NLGN1: variants seen among roughly 807,000 people sequenced by gnomAD.
NLGN1 encodes neuroligin 1.
In NLGN1, 12 loss-of-function variants were observed where a neutral mutation model predicts 65.5. The ratio of observed to expected loss-of-function variants is 0.18; its 90% CI spans 0.12 to 0.30. NLGN1 has a LOEUF of 0.30. NLGN1 is among the 10% of genes least tolerant of loss of function. The pLI, the probability that NLGN1 is intolerant of heterozygous loss-of-function variation, is 1.00. For missense variants in NLGN1, 750 were observed against 1,007.1 expected (o/e 0.74, Z 3.46); for synonymous variants, 350 against 359.5 (o/e 0.97, Z 0.30).
At chr3:174,002,717 G>A (rs756417281) in intron 4 of NLGN1, among the ~76,000 whole-genome samples, 1 of 151,984 alleles carries the variant, frequency 6.6e-6, no homozygotes, top group African/African-American at 2.4e-5. Context: ...TTTTTGCCTG[G>A]CAAAGAAGTC....
downstream of NLGN1, among the ~76,000 whole-genome samples, chr3:174,290,551 A>G (rs1021078185): frequency 6.6e-5 from 10 of 151,192 alleles, no homozygotes; most frequent in East Asian, 9.7e-4. Flanking sequence ...AGCATAAACA[A>G]TAAAGAAAAC....
intron 4 of NLGN1, among the ~76,000 whole-genome samples, chr3:174,141,871 T>G (rs1267379871): frequency 6.6e-6 from 1 of 152,200 alleles, no homozygotes; most frequent in Admixed American, 6.5e-5. Flanking sequence ...GTTTTTAAAT[T>G]AAATGTTAAA....
chr3:173,902,513 C>G (rs1416038035), intron 4 of NLGN1, among the ~76,000 whole-genome samples: 2 of 152,074 alleles, frequency 1.3e-5, no homozygotes, highest in African/African-American at 2.4e-5. Context: ...GAGTTTCTCT[C>G]CACAATATGG....
chr3:173,515,799 C>G (rs1464902934), intron 2 of NLGN1, among the ~76,000 whole-genome samples: 1 of 151,952 alleles, frequency 6.6e-6, no homozygotes, highest in Admixed American at 6.6e-5. Context: ...TTTTTATACT[C>G]GTAGCCCTCA....
chr3:174,176,562 C>T (rs1225921594), intron 4 of NLGN1, among the ~76,000 whole-genome samples: 1 of 151,692 alleles, frequency 6.6e-6, no homozygotes, highest in African/African-American at 2.4e-5. Context: ...TAGCTTAGCG[C>T]TTCAGTTCAG....
intron 3 of NLGN1, among the ~76,000 whole-genome samples, chr3:173,803,549 A>G (rs1715944078): frequency 6.6e-6 from 1 of 152,156 alleles, no homozygotes; most frequent in Non-Finnish European, 1.5e-5. Flanking sequence ...TGGAGATTGC[A>G]ATGAGCCCAG....
intron 4 of NLGN1, among the ~76,000 whole-genome samples, chr3:173,842,921 T>C (rs1725052845): frequency 6.6e-6 from 1 of 152,154 alleles, no homozygotes; most frequent in African/African-American, 2.4e-5. Context: ...ACATTTCCCT[T>C]CCACACTGCC....
intron 1 of NLGN1, among the ~76,000 whole-genome samples, chr3:173,434,144 A>C (rs988950421): frequency 1.3e-5 from 2 of 152,176 alleles, no homozygotes; most frequent in African/African-American, 4.8e-5. Flanking sequence ...GGGAATTAGA[A>C]AATTACAACT....
Position 173,847,292 on chromosome 3 carries a change from T to TA in NLGN1, c.646+39461dup, listed in dbSNP as rs375547296. 2.6e-3 allele frequency among the ~76,000 whole-genome samples: 399 copies of TA among 152,344 alleles called. 3 individuals carry two copies. Among genetic ancestry groups the TA allele is most frequent in the African/African-American group, 9.2e-3 (381 of 41,584 alleles). Reference sequence around the variant, plus strand: ...CAACTGATGAATAGCTTTGTTTTGCTATTTTTTTGGTCAGAAAGATTGTTT... The same window carrying TA: ...CAACTGATGAATAGCTTTGTTTTGCTAATTTTTTTGGTCAGAAAGATTGTTT... On this transcript the variant is annotated intron_variant, in intron 4 of 6. Coordinates refer to ENST00000457714, the Ensembl canonical transcript of NLGN1.
chr3:173,667,867 A>G (rs1420574094), intron 3 of NLGN1, among the ~76,000 whole-genome samples: 2 of 152,092 alleles, frequency 1.3e-5, no homozygotes, highest in African/African-American at 2.4e-5. Flanking sequence ...TCCTGACCTC[A>G]TGATCCGCTT....
intron 4 of NLGN1, among the ~76,000 whole-genome samples, chr3:174,015,643 T>C (rs1037872672): frequency 9.2e-5 from 14 of 152,194 alleles, no homozygotes; most frequent in Non-Finnish European, 1.5e-4. Flanking sequence ...CAGCATACTA[T>C]AGATTTTAAA....
intron 3 of NLGN1, among the ~76,000 whole-genome samples, chr3:173,787,107 A>C (rs531013903): frequency 6.6e-6 from 1 of 151,778 alleles, no homozygotes; most frequent in African/African-American, 2.4e-5. Flanking sequence ...AAGATATTGG[A>C]GTGATTATTC....
intron 2 of NLGN1, among the ~76,000 whole-genome samples, chr3:173,548,181 G>A (rs962121705): frequency 5.3e-5 from 8 of 152,076 alleles, no homozygotes; most frequent in Non-Finnish European, 8.8e-5. Flanking sequence ...CAGCCACCTT[G>A]TTAATCACTG....
chr3:173,597,459 G>A (rs945451316), intron 2 of NLGN1, among the ~76,000 whole-genome samples: 1 of 152,152 alleles, frequency 6.6e-6, no homozygotes, highest in Non-Finnish European at 1.5e-5. Context: ...TCACATAATT[G>A]TGGATGAATC....
intron 4 of NLGN1, among the ~76,000 whole-genome samples, chr3:174,234,248 T>C (rs9835562): frequency 0.43 from 64,971 of 151,646 alleles, 14,059 homozygotes; most frequent in East Asian, 0.57. Context: ...GTACACTTGG[T>C]CAAGCAGGTG....
At chr3:174,003,265 C>T (rs1443879590) in intron 4 of NLGN1, among the ~76,000 whole-genome samples, 1 of 152,036 alleles carries the variant, frequency 6.6e-6, no homozygotes, top group Non-Finnish European at 1.5e-5. Flanking sequence ...ATGAAAATAA[C>T]TTATTTCACT....
chr3:173,858,397 G>A (rs887863112), intron 4 of NLGN1, among the ~76,000 whole-genome samples: 3 of 151,942 alleles, frequency 2.0e-5, no homozygotes, highest in Admixed American at 6.6e-5. Flanking sequence ...ATTTCAGACA[G>A]TTTTTTTCAA....
At chr3:173,605,171 G>A in intron 3 of NLGN1, 80 bp downstream of exon 2, 5 of 1,147,826 alleles carry the variant, frequency 4.4e-6, no homozygotes, top group Non-Finnish European at 6.1e-6. Context: ...TAATTCATGT[G>A]TACTGGTAGT....
intron 2 of NLGN1, among the ~76,000 whole-genome samples, chr3:173,527,326 T>G (rs1735813709): frequency 2.0e-5 from 3 of 152,242 alleles, no homozygotes; most frequent in South Asian, 4.1e-4. Context: ...ATTGAGTACC[T>G]TTAAATATAA....
Sources: gnomAD v4.1 joint callset for allele counts (sites outside exome capture counted in the v4.1 genomes callset) on GRCh38, gnomAD v4.1.1 for gene constraint, MANE v1.5 for transcripts, NCBI Gene and HGNC (gene_info 2026-07-23, HGNC 2026-07-21) for gene names.